Variants in PROSER2 observed in about 807,000 individuals in gnomAD.
PROSER2 encodes the protein proline and serine rich 2, also known as proline and serine-rich protein 2.
PROSER2 carries 18 observed loss-of-function variants against 14.6 expected under a neutral mutation model. The observed-to-expected ratio is 1.23, with a 90% CI of 0.85 to 1.83. The LOEUF (loss-of-function observed/expected upper bound fraction) is 1.83. Among genes scored for constraint, PROSER2 ranks in the 40% most tolerant of loss-of-function variants. PROSER2 has a pLI of 0.00. For missense variants in PROSER2, 823 were observed against 629.8 expected (o/e 1.31, Z -3.28); for synonymous variants, 367 against 286.4 (o/e 1.28, Z -2.84).
Position 11,838,664 on chromosome 10 carries a change from GTTA to G in PROSER2, c.-81-13330_-81-13328del, listed in dbSNP as rs1833795548. Among the ~76,000 whole-genome samples the G allele has an allele frequency of 1.3e-5, 2 of 152,132 alleles. No homozygotes were observed. The highest frequency in any genetic ancestry group is 4.8e-5 in the African/African-American group (2 of 41,434). ...TTGACCCACATTCTTGCTGACACTT[GTTA>G]TTTTTTGTCTAATTTTTGCCACTCC... On this transcript the variant is annotated intron_variant, in intron 1 of 3. Coordinates refer to ENST00000277570, the MANE Select transcript of PROSER2 (RefSeq NM_153256.4). The surrounding 1 kb of genome is among the most constrained non-coding windows in gnomAD (Gnocchi z 4.4).
intron 2 of PROSER2, among the ~76,000 whole-genome samples, chr10:11,855,796 C>T (rs1834113550): frequency 6.6e-6 from 1 of 152,046 alleles, no homozygotes; most frequent in Non-Finnish European, 1.5e-5. Flanking sequence ...AAGATGATCT[C>T]GAATAGTTTT....
chr10:11,861,028 C>T (rs1343114676), intron 2 of PROSER2, among the ~76,000 whole-genome samples: 1 of 152,114 alleles, frequency 6.6e-6, no homozygotes, highest in Non-Finnish European at 1.5e-5. Context: ...ATTGCTTGAA[C>T]CTGGGAGGTG....
At chr10:11,851,928 T>G in intron 1 of PROSER2, 69 bp from the exon 2 acceptor site, 2 of 724,506 alleles carry the variant, frequency 2.8e-6, no homozygotes, top group African/African-American at 1.8e-5. Context: ...TAAGCCATGT[T>G]TTTGAGGGAT....
chr10:11,870,042 G>T lies in PROSER2; in HGVS notation c.944G>T (p.Arg315Leu). Reference protein sequence around the residue: ...GAPGGGSSPERVARGRGLPGP... With the variant: ...GAPGGGSSPELVARGRGLPGP... Reference sequence around the variant, plus strand: ...CCAGGGGGCGGCTCCTCCCCGGAGCGGGTGGCGCGTGGCCGGGGCCTGCCG... The same window carrying T: ...CCAGGGGGCGGCTCCTCCCCGGAGCTGGTGGCGCGTGGCCGGGGCCTGCCG... The change falls in exon 4 of 4, where the codon CGG (arginine) becomes CTG (leucine). Residue 315 changes from arginine to leucine, a missense_variant. By Grantham distance (102) the Arg-to-Leu change is moderately radical. Coordinates refer to ENST00000277570, the MANE Select transcript of PROSER2 (RefSeq NM_153256.4). 8.1e-7 allele frequency: 1 copy of T among 1,235,778 alleles called. No homozygotes were observed. The highest frequency in any genetic ancestry group is 1.0e-6 in the Non-Finnish European group (1 of 990,020). 76.6% of individuals were successfully genotyped at this position (1,235,778 alleles called of 1,614,324 possible).
intron 1 of PROSER2, among the ~76,000 whole-genome samples, chr10:11,832,568 C>T (rs1008415744): frequency 7.2e-5 from 11 of 152,224 alleles, no homozygotes; most frequent in South Asian, 2.1e-4. Context: ...TTTAATACAT[C>T]GTTATTTATG....
At chr10:11,827,338 G>A (rs1833629758) in intron 1 of PROSER2, among the ~76,000 whole-genome samples, 1 of 133,422 alleles carries the variant, frequency 7.5e-6, no homozygotes, top group Non-Finnish European at 1.8e-5. Context: ...AATGTCTGCT[G>A]AGAACTCGAT....
chr10:11,848,531 C>T (rs949034424), intron 1 of PROSER2, among the ~76,000 whole-genome samples: 5 of 152,168 alleles, frequency 3.3e-5, no homozygotes, highest in Non-Finnish European at 7.3e-5. Context: ...AGCCTCACTG[C>T]TTTCAGGGCC....
At position 11,837,862 on chromosome 10, in the gene PROSER2, T is replaced by G. The variant is rs1833783197; in HGVS notation, c.-81-14135T>G. Reference sequence around the variant, plus strand: ...TTCCCTGGTTAGTTTTGAGCTGAACTGTGATGCTAGAAAAGGTTACCTTCG... The same window carrying G: ...TTCCCTGGTTAGTTTTGAGCTGAACGGTGATGCTAGAAAAGGTTACCTTCG... On this transcript the variant is annotated intron_variant, in intron 1 of 3. Coordinates refer to ENST00000277570, the MANE Select transcript of PROSER2 (RefSeq NM_153256.4). This position sits in a 1 kb window ranked among gnomAD's most constrained non-coding sequence, Gnocchi z 4.6. Among the ~76,000 whole-genome samples the G allele has an allele frequency of 6.6e-6, 1 of 152,164 alleles. No individual in the cohort carries two copies. Among genetic ancestry groups the G allele is most frequent in the Admixed American group, 6.5e-5 (1 of 15,276 alleles).
chr10:11,857,628 C>T (rs1793869323), intron 2 of PROSER2, among the ~76,000 whole-genome samples: 1 of 151,668 alleles, frequency 6.6e-6, no homozygotes, highest in Admixed American at 6.6e-5. Flanking sequence ...GCCTGTAATC[C>T]CAGCTGCTCC....
At chr10:11,841,555 A>C (rs571202308) in intron 1 of PROSER2, among the ~76,000 whole-genome samples, 1 of 152,256 alleles carries the variant, frequency 6.6e-6, no homozygotes, top group East Asian at 1.9e-4. Context: ...GTGATGTTTG[A>C]GCTGCATCCC....
At chr10:11,846,724 G>C (rs932457727) in intron 1 of PROSER2, among the ~76,000 whole-genome samples, 4 of 152,192 alleles carry the variant, frequency 2.6e-5, no homozygotes, top group African/African-American at 9.7e-5. Flanking sequence ...AACTGCCAGA[G>C]AGGAAAGTTT....
Position 11,870,585 on chromosome 10 carries a change from A to C in PROSER2, c.*179A>C. On this transcript the variant is annotated 3_prime_UTR_variant, in exon 4 of 4. Transcript: ENST00000277570. ...GGCCTCCTGGCTGAGCACGCACCGC[A>C]AGCTCCAGCCACCGGCACAGAGAAC... is the stretch of plus-strand genomic sequence containing the variant. 1 of 495,738 alleles carries C rather than the reference A, an allele frequency of 2.0e-6. No individual in the cohort carries two copies. Among genetic ancestry groups the C allele is most frequent in the Non-Finnish European group, 3.6e-6 (1 of 280,394 alleles). 30.7% of individuals were successfully genotyped at this position (495,738 alleles called of 1,614,324 possible).
chr10:11,825,146 A>T (rs138864793), intron 1 of PROSER2, among the ~76,000 whole-genome samples: 1 of 152,154 alleles, frequency 6.6e-6, no homozygotes. Context: ...CTGTGTGTTG[A>T]TTTGGAAGAT....
At chr10:11,841,011 C>G (rs1053657734) in intron 1 of PROSER2, among the ~76,000 whole-genome samples, 1 of 96,650 alleles carries the variant, frequency 1.0e-5, no homozygotes, top group African/African-American at 3.8e-5. Flanking sequence ...GGTTGTTTTT[C>G]TCTTCTCTGG....
At chr10:11,843,406 G>A (rs771950200) in intron 1 of PROSER2, among the ~76,000 whole-genome samples, 36 of 150,752 alleles carry the variant, frequency 2.4e-4, no homozygotes, top group Non-Finnish European at 4.6e-4. Context: ...TACAAAAAAA[G>A]GCCGGGTGCG....
At chr10:11,842,311 C>G (rs1359058156) in intron 1 of PROSER2, among the ~76,000 whole-genome samples, 1 of 150,172 alleles carries the variant, frequency 6.7e-6, no homozygotes, top group Non-Finnish European at 1.5e-5. Flanking sequence ...ACATTTTTAT[C>G]ATAATTTGTG....
Position 11,823,629 on chromosome 10 carries a change from C to G in PROSER2, c.-82+159C>G, listed in dbSNP as rs1833570986. Reference sequence around the variant, plus strand: ...GCTCCTCGCTCTGACTAGGGGAGCCCGGCGCCGCCGCCGCAGAGGCCACCC... The same window carrying G: ...GCTCCTCGCTCTGACTAGGGGAGCCGGGCGCCGCCGCCGCAGAGGCCACCC... On this transcript the variant is annotated intron_variant, in intron 1 of 3. Transcript: ENST00000277570. The surrounding 1 kb of genome is among the most constrained non-coding windows in gnomAD (Gnocchi z 6.2). 6.6e-6 allele frequency among the ~76,000 whole-genome samples: 1 copy of G among 151,886 alleles called. No homozygotes were observed. The highest frequency in any genetic ancestry group is 1.5e-5 in the Non-Finnish European group (1 of 67,904).
rs780196455 is a variant in PROSER2 at position 11,870,152 on chromosome 10, C to T, written c.1054C>T (p.Leu352=). Residue 352 remains leucine (L), a synonymous_variant, in exon 4 of 4, where the codon CTG becomes TTG. Coordinates refer to ENST00000277570, the MANE Select transcript of PROSER2 (RefSeq NM_153256.4). ...ANGFPSAHEA[L]KSAPSSFAPA... ...CGGCTTCCCAAGTGCGCACGAGGCC[C>T]TGAAGAGCGCACCCAGCTCCTTCGC... The T allele has an allele frequency of 2.5e-5, 36 of 1,454,568 alleles. 1 individual carries two copies. The South Asian group carries it at 4.8e-4, about 19-fold the overall frequency. The allele number at this position is 1,454,568 out of a possible 1,614,324, so 90.1% of individuals were successfully genotyped here.
chr10:11,845,712 C>G (rs1833914158), intron 1 of PROSER2, among the ~76,000 whole-genome samples: 1 of 152,066 alleles, frequency 6.6e-6, no homozygotes, highest in Admixed American at 6.6e-5. Context: ...GGCTGGGGTC[C>G]TCGGCGGGAC....
Sources: allele counts gnomAD v4.1 joint callset (sites outside exome capture counted in the v4.1 genomes callset), GRCh38; gene constraint gnomAD v4.1.1; non-coding constraint Gnocchi (gnomAD v3.1); transcripts MANE v1.5; gene names NCBI Gene and HGNC (gene_info 2026-07-23, HGNC 2026-07-21).